MXD4: variants seen among roughly 807,000 people sequenced by gnomAD.
The protein encoded by MXD4 is Mad4 homolog.
MXD4 carries 16 observed loss-of-function variants against 24.5 expected under a neutral mutation model. The ratio of observed to expected loss-of-function variants is 0.65; its 90% CI spans 0.44 to 0.99. The LOEUF is 0.99. MXD4 is among the 50% of genes least tolerant of loss of function. The pLI, the probability that MXD4 is intolerant of heterozygous loss-of-function variation, is 0.00. For synonymous variants in MXD4, 164 were observed against 134.2 expected, an observed-to-expected ratio of 1.22 and a Z score of -1.54; for missense variants, 301 against 301.5, an observed-to-expected ratio of 1.00 and a Z score of 0.01.
intron 2 of MXD4, among the ~76,000 whole-genome samples, chr4:2,260,334 G>T (rs1311142238): frequency 6.6e-6 from 1 of 152,220 alleles, no homozygotes; most frequent in Non-Finnish European, 1.5e-5. Flanking sequence ...CAGTTTCCTT[G>T]GCCATAGAGA....
chr4:2,250,940 A>G (rs997992049), intron 5 of MXD4, 144 bp downstream of exon 5: 1 of 1,181,980 alleles, frequency 8.5e-7, no homozygotes, highest in Non-Finnish European at 1.1e-6. Context: ...TTCTGCGCTT[A>G]GTGACAAACA....
At position 2,252,398 on chromosome 4, in the gene MXD4, G is replaced by A; in HGVS notation, c.309+10C>T. ...CAGACAGGGCAGGGTGGAGAGCAAGGCCCACTCACCTTGATGTGCACCTTG... is the reference window on the plus strand; with the variant it reads ...CAGACAGGGCAGGGTGGAGAGCAAGACCCACTCACCTTGATGTGCACCTTG... On this transcript the variant is annotated intron_variant, in intron 4 of 5. Coordinates refer to ENST00000337190, the MANE Select transcript of MXD4 (RefSeq NM_006454.3). 2 of 1,605,830 alleles carry A rather than the reference G, an allele frequency of 1.2e-6. No individual in the cohort carries two copies. Among genetic ancestry groups the A allele is most frequent in the Non-Finnish European group, 1.7e-6 (2 of 1,174,396 alleles).
rs1735561783 is a variant in MXD4 at position 2,262,086 on chromosome 4, C to T, written c.-106G>A. 4 of 535,178 alleles carry T rather than the reference C, an allele frequency of 7.5e-6. No homozygotes were observed. Among genetic ancestry groups the T allele is most frequent in the Non-Finnish European group, 9.6e-6 (4 of 418,212 alleles). The allele number at this position is 535,178 out of a possible 1,614,324, so 33.2% of individuals were successfully genotyped here. A position where few individuals can be genotyped will look rare whatever the true frequency, so the allele number is the denominator to read the frequency against. On this transcript the variant is annotated 5_prime_UTR_variant, in exon 1 of 6. Coordinates refer to ENST00000337190, the MANE Select transcript of MXD4 (RefSeq NM_006454.3). ...CCCGCGCGCCCGGCCGCCGCACTTC[C>T]AGACTCCGCGGACTCCGGCGCTCGG...
At chr4:2,259,193 C>G (rs1735490670) in intron 2 of MXD4, 3 of 335,352 alleles carry the variant, frequency 8.9e-6, no homozygotes, top group African/African-American at 6.6e-5. Context: ...AACTTGGGAT[C>G]TGGCGTCTCC....
chr4:2,259,022 A>G (rs746235560), intron 2 of MXD4: 5 of 452,000 alleles, frequency 1.1e-5, no homozygotes, highest in South Asian at 7.8e-5. Flanking sequence ...AGGACCCCAC[A>G]GGCCAGCCAG....
intron 3 of MXD4, chr4:2,255,105 G>A (rs1319885393): frequency 2.7e-6 from 1 of 364,926 alleles, no homozygotes; most frequent in African/African-American, 2.1e-5. Flanking sequence ...GCAGTCATCA[G>A]GGATGAGAAG....
chr4:2,251,180 G>C lies in MXD4; in HGVS notation c.376C>G (p.Leu126Val). Residue 126 changes from leucine (L) to valine (V), a missense_variant, in exon 5 of 6, where the codon CTG (leucine) becomes GTG (valine). Transcript: ENST00000337190. ...GACAGCTGCTCCAGGCGCCGCTTCA[G>C]GAAACGATGCTCCTGCTGCAGCTGC... Reference protein sequence around the residue: ...KEQLQQEHRFLKRRLEQLSVQ... With the variant: ...KEQLQQEHRFVKRRLEQLSVQ... The C allele has an allele frequency of 6.2e-7, 1 of 1,606,056 alleles. No individual in the cohort carries two copies. Among genetic ancestry groups the C allele is most frequent in the Non-Finnish European group, 8.5e-7 (1 of 1,176,156 alleles).
At chr4:2,254,805 C>G (rs576351568) in intron 3 of MXD4, 2 of 159,576 alleles carry the variant, frequency 1.3e-5, no homozygotes, top group African/African-American at 4.8e-5. Context: ...TTGCACCCTC[C>G]GACAGGCTGA....
chr4:2,258,779 T>C, intron 2 of MXD4: 1 of 402,878 alleles, frequency 2.5e-6, no homozygotes, highest in Non-Finnish European at 5.0e-6. Flanking sequence ...AGGGGGACAC[T>C]GAGGCCAGCC....
At chr4:2,258,874 C>G in intron 2 of MXD4, 1 of 455,720 alleles carries the variant, frequency 2.2e-6, no homozygotes, top group Non-Finnish European at 4.4e-6. Context: ...GTGGCCCCAC[C>G]TGCTGCTCAC....
chr4:2,255,167 G>A (rs1358868836), intron 3 of MXD4: 14 of 388,992 alleles, frequency 3.6e-5, no homozygotes, highest in Admixed American at 3.5e-4. Flanking sequence ...ACGTGGTGTC[G>A]GGTGAAAGAT....
At chr4:2,254,409 A>G (rs1735384292) in intron 3 of MXD4, 1 of 152,148 alleles carries the variant, frequency 6.6e-6, no homozygotes, top group Non-Finnish European at 1.5e-5. Flanking sequence ...AGGCACAGGG[A>G]GCGTGCGTCT....
chr4:2,252,625 T>G, intron 3 of MXD4, 103 bp from the exon 4 acceptor site: 1 of 737,554 alleles, frequency 1.4e-6, no homozygotes. Context: ...CTGCTGCACA[T>G]GTGCTGAGGG....
In MXD4 at chr4:2,257,967, T is replaced by TG. The variant is rs2108790958; in HGVS notation, c.194+14dup. The TG allele has an allele frequency of 6.2e-7, 1 of 1,613,658 alleles. No homozygotes were observed. Among genetic ancestry groups the TG allele is most frequent in the Non-Finnish European group, 8.5e-7 (1 of 1,179,922 alleles). ...CAGGTGTCGGGCTCATGTGGGGAACTGGGGGGTCACTTACCTGTGCTTTTC... is the reference window on the plus strand; with the variant it reads ...CAGGTGTCGGGCTCATGTGGGGAACTGGGGGGGTCACTTACCTGTGCTTTTC... On this transcript the variant is annotated intron_variant, in intron 3 of 5. Transcript: ENST00000337190.
At chr4:2,258,554 TAGCACCCGGGACAAAC>T (rs1735476481) in intron 2 of MXD4, among the ~76,000 whole-genome samples, 2 of 152,168 alleles carry the variant, frequency 1.3e-5, no homozygotes, top group Non-Finnish European at 2.9e-5. Context: ...CAAAGCAGCC[TAGCACCCGGGACAAAC>T]AGCAGGTGGA....
intron 2 of MXD4, among the ~76,000 whole-genome samples, chr4:2,259,783 G>T (rs1735501654): frequency 1.3e-5 from 2 of 152,158 alleles, no homozygotes; most frequent in African/African-American, 4.8e-5. Flanking sequence ...TGTCCCCGCT[G>T]AGGCCAGGCC....
Position 2,250,264 on chromosome 4 carries a change from G to A in MXD4, c.*280C>T. ...CGTTTAATACTTCTGGAATGATTAGGAATCTGAGAACAGACCGTGGGCGGC... is the reference window on the plus strand; with the variant it reads ...CGTTTAATACTTCTGGAATGATTAGAAATCTGAGAACAGACCGTGGGCGGC... On this transcript the variant is annotated 3_prime_UTR_variant, in exon 6 of 6. Coordinates refer to ENST00000337190, the MANE Select transcript of MXD4 (RefSeq NM_006454.3). The A allele has an allele frequency of 3.9e-6, 2 of 515,390 alleles. No individual in the cohort carries two copies. The highest frequency in any genetic ancestry group is 7.1e-5 in the Admixed American group (2 of 27,984). 31.9% of individuals were successfully genotyped at this position (515,390 alleles called of 1,614,324 possible). A position where few individuals can be genotyped will look rare whatever the true frequency, so the allele number is the denominator to read the frequency against.
At chr4:2,261,011 G>A (rs938659586) in intron 2 of MXD4, among the ~76,000 whole-genome samples, 19 of 152,214 alleles carry the variant, frequency 1.2e-4, no homozygotes, top group South Asian at 2.1e-4. Context: ...GGTATGGAGG[G>A]CGCAGCTGGC....
chr4:2,255,272 T>C (rs1313230528), intron 3 of MXD4: 3 of 455,720 alleles, frequency 6.6e-6, no homozygotes, highest in East Asian at 1.4e-4. Context: ...TGGCTCAGCC[T>C]CTGAGTGCCT....
Sources: allele counts gnomAD v4.1 joint callset (sites outside exome capture counted in the v4.1 genomes callset), GRCh38; gene constraint gnomAD v4.1.1; transcripts MANE v1.5; gene names NCBI Gene and HGNC (gene_info 2026-07-23, HGNC 2026-07-21).